The following FOXP2 variants were observed in gnomAD, a reference collection of about 807,000 sequenced individuals.
The protein encoded by FOXP2 is forkhead box protein P2.
In FOXP2, 12 loss-of-function variants were observed where a neutral mutation model predicts 115.8. The ratio of observed to expected loss-of-function variants is 0.10; its 90% CI spans 0.07 to 0.17. The LOEUF (loss-of-function observed/expected upper bound fraction) is 0.17. Ranked by LOEUF, FOXP2 falls within the 10% of genes least tolerant of loss-of-function variation. The probability of loss-of-function intolerance (pLI) is 1.00; values close to 1 mark genes in which losing one functional copy is unlikely to be tolerated. For synonymous variants in FOXP2, 328 were observed against 297.7 expected (o/e 1.10, Z -1.05); for missense variants, 629 against 843.5 (o/e 0.75, Z 3.15).
chr7:114,649,166 C>T (rs1368433578), intron 8 of FOXP2, among the ~76,000 whole-genome samples: 2 of 151,974 alleles, frequency 1.3e-5, no homozygotes, highest in Non-Finnish European at 2.9e-5. Flanking sequence ...TAGTATGAAG[C>T]TGTGAAATAG....
chr7:114,573,808 GA>G (rs1801437621), intron 3 of FOXP2, among the ~76,000 whole-genome samples: 1 of 151,518 alleles, frequency 6.6e-6, no homozygotes, highest in Non-Finnish European at 1.5e-5. Flanking sequence ...TGCAGGGAGA[GA>G]AAACAACTTA....
At chr7:114,392,396 G>A (rs987258516) in intron 2 of FOXP2, among the ~76,000 whole-genome samples, 7 of 152,164 alleles carry the variant, frequency 4.6e-5, no homozygotes, top group East Asian at 1.9e-4. Flanking sequence ...AAGAACAGTC[G>A]TTCATTCCTG....
At chr7:114,390,753 T>C (rs1479025813) in intron 2 of FOXP2, among the ~76,000 whole-genome samples, 1 of 151,910 alleles carries the variant, frequency 6.6e-6, no homozygotes, top group Non-Finnish European at 1.5e-5. Context: ...AGGCAGGATT[T>C]CTCCATGTTC....
intron 3 of FOXP2, among the ~76,000 whole-genome samples, chr7:114,566,932 A>G (rs1321167652): frequency 6.6e-6 from 1 of 151,928 alleles, no homozygotes; most frequent in Non-Finnish European, 1.5e-5. Flanking sequence ...TCAACCTTGC[A>G]AAAAATATTA....
chr7:114,622,851 T>C (rs535448273), intron 3 of FOXP2, among the ~76,000 whole-genome samples: 1 of 152,082 alleles, frequency 6.6e-6, no homozygotes, highest in East Asian at 1.9e-4. Flanking sequence ...AAGATTATTT[T>C]TAGCACAGTT....
chr7:114,136,645 G>T (rs1792046413), intron 1 of FOXP2, among the ~76,000 whole-genome samples: 1 of 150,904 alleles, frequency 6.6e-6, no homozygotes. Context: ...TTGAAGAATT[G>T]TAAGGCCATT....
chr7:114,314,541 T>C (rs912252631), intron 2 of FOXP2, among the ~76,000 whole-genome samples: 18 of 152,172 alleles, frequency 1.2e-4, no homozygotes, highest in African/African-American at 4.3e-4. Flanking sequence ...ATTGTATTAA[T>C]ATGAAGATAT....
At position 114,659,686 on chromosome 7, in the gene FOXP2, C is replaced by T. The variant is rs975776593; in HGVS notation, c.1647+13C>T. On this transcript the variant is annotated intron_variant, in intron 13 of 16. Transcript: ENST00000350908. ...AGCAACTTGGAAGGTAACTACTTTT[C>T]CAGCAGTTTTAAGATGCCTACCACA... 3 of 1,607,424 alleles carry T rather than the reference C, an allele frequency of 1.9e-6. No individual in the cohort carries two copies. The highest frequency in any genetic ancestry group is 1.7e-4 in the Middle Eastern group (1 of 6,048).
intron 2 of FOXP2, among the ~76,000 whole-genome samples, chr7:114,292,730 CAT>C (rs752707502): frequency 1.3e-5 from 2 of 152,156 alleles, no homozygotes; most frequent in Non-Finnish European, 2.9e-5. Context: ...ATGTTGCAAA[CAT>C]GTGATCATTA....
At chr7:114,637,034 C>T (rs1805259419) in intron 6 of FOXP2, among the ~76,000 whole-genome samples, 1 of 152,032 alleles carries the variant, frequency 6.6e-6, no homozygotes, top group Non-Finnish European at 1.5e-5. Flanking sequence ...ATTAGCTGAG[C>T]ATGATGACGT....
chr7:114,372,723 T>G (rs990292698), intron 2 of FOXP2, among the ~76,000 whole-genome samples: 42 of 152,016 alleles, frequency 2.8e-4, no homozygotes, highest in Non-Finnish European at 5.4e-4. Flanking sequence ...TTTTTTTTGG[T>G]TTTTTTGTTT....
intron 1 of FOXP2, among the ~76,000 whole-genome samples, chr7:114,164,115 A>G (rs1792910286): frequency 1.3e-5 from 2 of 152,182 alleles, no homozygotes; most frequent in South Asian, 4.1e-4. Flanking sequence ...AAAAATCTAC[A>G]TAATTTCCAG....
chr7:114,597,488 C>A (rs1426615872), intron 3 of FOXP2, among the ~76,000 whole-genome samples: 1 of 152,058 alleles, frequency 6.6e-6, no homozygotes, highest in Non-Finnish European at 1.5e-5. Context: ...TCATTACAAA[C>A]AGATAATCTT....
chr7:114,167,711 C>T lies in FOXP2; in HGVS notation c.-102+4623C>T, dbSNP rs989638485. On this transcript the variant is annotated intron_variant, in intron 1 of 17. Transcript: ENST00000634411. ...TAGCACTTTGAGAGGCTGAGGCAGG[C>T]GGATCAGGAGGTCAGGAGATCGAGA... Among the ~76,000 whole-genome samples the T allele has an allele frequency of 1.2e-4, 18 of 151,938 alleles. No homozygotes were observed. In the South Asian group the frequency reaches 2.5e-3, roughly 21 times the overall value.
At chr7:114,245,712 G>C (rs1006478933) in intron 1 of FOXP2, among the ~76,000 whole-genome samples, 5 of 152,096 alleles carry the variant, frequency 3.3e-5, no homozygotes, top group Non-Finnish European at 7.4e-5. Context: ...TTTTGTAACT[G>C]AAAGACTTTT....
At chr7:114,491,923 CAT>C (rs1185102928) in intron 2 of FOXP2, among the ~76,000 whole-genome samples, 3 of 152,174 alleles carry the variant, frequency 2.0e-5, no homozygotes, top group Admixed American at 2.0e-4. Context: ...ATGCTGCCCT[CAT>C]AAAATGAGTT....
At chr7:114,412,658 G>A (rs1156556757), upstream of FOXP2, among the ~76,000 whole-genome samples, 1 of 152,178 alleles carries the variant, frequency 6.6e-6, no homozygotes, top group Non-Finnish European at 1.5e-5. Flanking sequence ...GTACCCCGAT[G>A]CAGCTTTGTG....
chr7:114,249,783 G>GT lies in FOXP2; in HGVS notation c.-101-38227dup, dbSNP rs534782913. 3.4e-4 allele frequency among the ~76,000 whole-genome samples: 51 copies of GT among 149,610 alleles called. No individual in the cohort carries two copies. The East Asian group carries it at 5.3e-3, about 16-fold the overall frequency. On this transcript the variant is annotated intron_variant, in intron 1 of 17. Transcript: ENST00000634411. ...TTTCTGGTTCTGGTTCTAGGTCTTT[G>GT]TTTTTTTTTGTTTTTTTGTTTTTGT...
chr7:114,612,391 A>ACGTATATATGTG (rs777503130), intron 3 of FOXP2, among the ~76,000 whole-genome samples: 2 of 151,624 alleles, frequency 1.3e-5, no homozygotes, highest in Non-Finnish European at 1.5e-5. Flanking sequence ...ACACACATAT[A>ACGTATATATGTG]TGTATATATG....
Sources: gnomAD v4.1 joint callset for allele counts (sites outside exome capture counted in the v4.1 genomes callset) on GRCh38, gnomAD v4.1.1 for gene constraint, MANE v1.5 for transcripts, NCBI Gene and HGNC (gene_info 2026-07-23, HGNC 2026-07-21) for gene names.